Variants in LPAR5 observed in about 807,000 individuals in gnomAD.
LPAR5 encodes lysophosphatidic acid receptor 5.
For missense variants in LPAR5, 544 were observed against 521.8 expected, an observed-to-expected ratio of 1.04 and a Z score of -0.41; for synonymous variants, 271 against 261.6, an observed-to-expected ratio of 1.04 and a Z score of -0.35.
chr12:6,634,403 G>A (rs1383837981), intron 1 of LPAR5, among the ~76,000 whole-genome samples: 3 of 151,722 alleles, frequency 2.0e-5, no homozygotes, highest in Non-Finnish European at 4.4e-5. Flanking sequence ...TCACTTTAGC[G>A]CGAGTTCAAG....
At chr12:6,633,173 G>A (rs554624269) in intron 1 of LPAR5, among the ~76,000 whole-genome samples, 15 of 152,268 alleles carry the variant, frequency 9.9e-5, no homozygotes, top group Admixed American at 3.3e-4. Context: ...CCTTTACCCT[G>A]CTTTCGAGAG....
At chr12:6,628,295 A>C (rs1948957151) in intron 1 of LPAR5, among the ~76,000 whole-genome samples, 1 of 152,158 alleles carries the variant, frequency 6.6e-6, no homozygotes, top group East Asian at 1.9e-4. Context: ...AGCTGGGATT[A>C]CAGGCGTGAG....
At chr12:6,624,458 G>A (rs1309150063) in intron 1 of LPAR5, among the ~76,000 whole-genome samples, 1 of 151,422 alleles carries the variant, frequency 6.6e-6, no homozygotes, top group African/African-American at 2.4e-5. Flanking sequence ...TCAGCTTCTG[G>A]TTCTAGTCTA....
intron 1 of LPAR5, among the ~76,000 whole-genome samples, chr12:6,628,553 C>T (rs546709602): frequency 3.3e-5 from 5 of 152,160 alleles, no homozygotes; most frequent in Admixed American, 1.3e-4. Flanking sequence ...CTCCGCCTCC[C>T]GGGTTCAAGT....
In LPAR5 at chr12:6,620,514, C is replaced by T; in HGVS notation, c.735G>A (p.Leu245=). 1 of 1,583,930 alleles carries T rather than the reference C, an allele frequency of 6.3e-7. No homozygotes were observed. Among genetic ancestry groups the T allele is most frequent in the Non-Finnish European group, 8.6e-7 (1 of 1,165,576 alleles). The change falls in exon 2 of 2, where the codon CTG becomes CTA. Residue 245 remains leucine (L), a synonymous_variant. Transcript: ENST00000329858. This position sits in a 1 kb window ranked among gnomAD's most constrained non-coding sequence, Gnocchi z 6.8. Reference sequence around the variant, plus strand: ...GCGTGCTGTTGTAGGGCACGAAGCACAGCAGGAAGATGACGAGGTTAGCCA... The same window carrying T: ...GCGTGCTGTTGTAGGGCACGAAGCATAGCAGGAAGATGACGAGGTTAGCCA... ...LLLANLVIFL[L]CFVPYNSTLA...
At position 6,627,960 on chromosome 12, in the gene LPAR5, C is replaced by A. The variant is rs570541688; in HGVS notation, c.-216-6496G>T. ...GACCTGTTTGGAAACAGCTTGCAAA[C>A]AAGATTTCAATAACAGTTTACACTA... is the stretch of plus-strand genomic sequence containing the variant. On this transcript the variant is annotated intron_variant, in intron 1 of 1. Coordinates refer to ENST00000329858, the MANE Select transcript of LPAR5 (RefSeq NM_020400.6). Among the ~76,000 whole-genome samples, 214 of 151,156 alleles carry A rather than the reference C, an allele frequency of 1.4e-3. 1 individual carries two copies. Among genetic ancestry groups the A allele is most frequent in the African/African-American group, 4.9e-3 (203 of 41,294 alleles).
intron 1 of LPAR5, among the ~76,000 whole-genome samples, chr12:6,627,770 T>C (rs145212387): frequency 5.0e-4 from 76 of 152,150 alleles, no homozygotes; most frequent in East Asian, 4.3e-3. Flanking sequence ...ATTTAGCAGG[T>C]CCTGAGCGAT....
chr12:6,626,628 T>C (rs2136242868), intron 1 of LPAR5, among the ~76,000 whole-genome samples: 1 of 152,334 alleles, frequency 6.6e-6, no homozygotes, highest in Admixed American at 6.5e-5. Context: ...CCCTGCTCCA[T>C]GCTCCTTTGC....
At chr12:6,622,442 A>G (rs1037115808) in intron 1 of LPAR5, among the ~76,000 whole-genome samples, 5 of 150,528 alleles carry the variant, frequency 3.3e-5, no homozygotes, top group Admixed American at 6.6e-5. Context: ...ATAAATAAAT[A>G]AAATAAAATA....
Position 6,620,826 on chromosome 12 carries a change from G to A in LPAR5, c.423C>T (p.Leu141=), listed in dbSNP as rs1313185496. ...GGATGAGCGCCCACACGCCCAGGCA[G>A]AGCAGCCGCGCCACGCGGGGCCGCC... ...HLRRPRVARL[L]CLGVWALILV... Residue 141 remains leucine (L), a synonymous_variant, in exon 2 of 2, where the codon CTC becomes CTT. Coordinates refer to ENST00000329858, the MANE Select transcript of LPAR5 (RefSeq NM_020400.6). The surrounding 1 kb of genome is among the most constrained non-coding windows in gnomAD (Gnocchi z 6.8). 1 of 1,561,458 alleles carries A rather than the reference G, an allele frequency of 6.4e-7. No homozygotes were observed. Among genetic ancestry groups the A allele is most frequent in the Non-Finnish European group, 8.7e-7 (1 of 1,152,938 alleles).
chr12:6,631,175 G>A (rs1161723424), intron 1 of LPAR5, among the ~76,000 whole-genome samples: 2 of 152,160 alleles, frequency 1.3e-5, no homozygotes, highest in Middle Eastern at 3.2e-3. Flanking sequence ...ACTGATGTCA[G>A]GTAAGTATAC....
intron 1 of LPAR5, 78 bp downstream of exon 1, chr12:6,635,829 C>T (rs1386176309): frequency 6.6e-6 from 1 of 152,516 alleles, no homozygotes; most frequent in African/African-American, 2.4e-5. Flanking sequence ...TCTCTGTCCC[C>T]CACCCAAATC....
Position 6,620,240 on chromosome 12 carries a change from C to G in LPAR5, c.1009G>C (p.Val337Leu). 1 of 1,611,188 alleles carries G rather than the reference C, an allele frequency of 6.2e-7. No homozygotes were observed. The highest frequency in any genetic ancestry group is 8.5e-7 in the Non-Finnish European group (1 of 1,178,748). ...AALAQSERSA[V>L]TTDATRPDAA... ...TCCGGCCTGGTGGCGTCGGTGGTGACGGCGGACCTTTCGGATTGCGCGAGC... is the reference window on the plus strand; with the variant it reads ...TCCGGCCTGGTGGCGTCGGTGGTGAGGGCGGACCTTTCGGATTGCGCGAGC... Residue 337 changes from valine to leucine, a missense_variant, in exon 2 of 2, where the codon GTC (valine) becomes CTC (leucine). Val to Leu is a conservative substitution (Grantham distance 32). Transcript: ENST00000329858. This position sits in a 1 kb window ranked among gnomAD's most constrained non-coding sequence, Gnocchi z 6.8.
In LPAR5 at chr12:6,619,999, T is replaced by C. The variant is rs1454356316; in HGVS notation, c.*131A>G. ...CTGGCTTCCACACTTTGTACTCTTC[T>C]GCGTTGCTAAGCTGGAATTGCCACC... On this transcript the variant is annotated 3_prime_UTR_variant, in exon 2 of 2. Coordinates refer to ENST00000329858, the MANE Select transcript of LPAR5 (RefSeq NM_020400.6). The C allele has an allele frequency of 1.6e-6, 2 of 1,244,646 alleles. No individual in the cohort carries two copies. Among genetic ancestry groups the C allele is most frequent in the Non-Finnish European group, 2.3e-6 (2 of 868,508 alleles). 77.1% of individuals were successfully genotyped at this position (1,244,646 alleles called of 1,614,324 possible). A position where few individuals can be genotyped will look rare whatever the true frequency, so the allele number is the denominator to read the frequency against.
Position 6,620,566 on chromosome 12 carries a change from C to G in LPAR5, c.683G>C (p.Arg228Pro). ...LARPDATQSQ[R>P]RRKTVRLLLA... ...CAGGAGGCGCACGGTCTTCCGCCGC[C>G]GCTGGCTCTGCGTGGCGTCGGGGCG... Residue 228 changes from arginine (R) to proline (P), a missense_variant, in exon 2 of 2, where the codon CGG (arginine) becomes CCG (proline). By Grantham distance (103) the Arg-to-Pro change is moderately radical (BLOSUM62 -2). Transcript: ENST00000329858. This position sits in a 1 kb window ranked among gnomAD's most constrained non-coding sequence, Gnocchi z 6.8. 1 of 1,555,090 alleles carries G rather than the reference C, an allele frequency of 6.4e-7. No homozygotes were observed. The highest frequency in any genetic ancestry group is 8.7e-7 in the Non-Finnish European group (1 of 1,149,752).
At chr12:6,621,578 C>T (rs1269911075) in intron 1 of LPAR5, 114 bp from the exon 2 acceptor site, 1 of 249,028 alleles carries the variant, frequency 4.0e-6, no homozygotes, top group Non-Finnish European at 7.8e-6. Flanking sequence ...TGCCATTGGG[C>T]TAGAATAGGT....
chr12:6,627,693 A>G (rs996368496), intron 1 of LPAR5, among the ~76,000 whole-genome samples: 2 of 151,992 alleles, frequency 1.3e-5, no homozygotes, highest in East Asian at 1.9e-4. Context: ...TATTTGTTCT[A>G]TTTCCCCAAC....
At chr12:6,622,764 T>A (rs1000091978) in intron 1 of LPAR5, among the ~76,000 whole-genome samples, 2 of 150,878 alleles carry the variant, frequency 1.3e-5, no homozygotes, top group African/African-American at 4.9e-5. Flanking sequence ...AAATAAAAAA[T>A]ATTAAAAAAT....
Position 6,619,298 on chromosome 12 carries a change from G to T in LPAR5, c.*832C>A, listed in dbSNP as rs574210810. ...TTGAGAACCAGTGCTTTAGTAGAAA[G>T]AATTTTATCCTTACTCTGGACAAAG... On this transcript the variant is annotated 3_prime_UTR_variant, in exon 2 of 2. Coordinates refer to ENST00000329858, the MANE Select transcript of LPAR5 (RefSeq NM_020400.6). 7.9e-5 allele frequency: 12 copies of T among 152,080 alleles called. No individual in the cohort carries two copies. Among genetic ancestry groups the T allele is most frequent in the African/African-American group, 2.7e-4 (11 of 41,482 alleles). The allele number at this position is 152,080 out of a possible 1,614,324, so 9.4% of individuals were successfully genotyped here.
Sources: allele counts gnomAD v4.1 joint callset (sites outside exome capture counted in the v4.1 genomes callset), GRCh38; gene constraint gnomAD v4.1.1; non-coding constraint Gnocchi (gnomAD v3.1); transcripts MANE v1.5; gene names NCBI Gene and HGNC (gene_info 2026-07-23, HGNC 2026-07-21).